KMO: variants seen among roughly 807,000 people sequenced by gnomAD.
KMO encodes kynurenine 3-monooxygenase.
Under a neutral mutation model 57.8 loss-of-function variants are expected in KMO, and 24 were observed. The observed-to-expected ratio is 0.42, with a 90% CI of 0.30 to 0.58. The LOEUF (loss-of-function observed/expected upper bound fraction) is 0.58. KMO is among the 20% of genes least tolerant of loss of function. The pLI, the probability that KMO is intolerant of heterozygous loss-of-function variation, is 0.22. For synonymous variants in KMO, 210 were observed against 193.6 expected, an observed-to-expected ratio of 1.08 and a Z score of -0.70; for missense variants, 483 against 588.2, an observed-to-expected ratio of 0.82 and a Z score of 1.85.
chr1:241,543,944 G>A (rs931872749), intron 1 of KMO, among the ~76,000 whole-genome samples: 1 of 152,138 alleles, frequency 6.6e-6, no homozygotes, highest in African/African-American at 2.4e-5. Context: ...TGAGATCCTG[G>A]AATCAATTTT....
chr1:241,574,680 T>C (rs892017649), intron 10 of KMO, among the ~76,000 whole-genome samples: 1 of 152,086 alleles, frequency 6.6e-6, no homozygotes. Flanking sequence ...AGTATGTTGC[T>C]GAGGATTTTG....
At chr1:241,532,631 T>A (rs970350572) in intron 1 of KMO, 133 bp downstream of exon 1, 51 of 618,908 alleles carry the variant, frequency 8.2e-5, no homozygotes, top group Non-Finnish European at 1.2e-4. Flanking sequence ...ATACAGCTAT[T>A]TTGTTTATTT....
At position 241,594,865 on chromosome 1, in the gene KMO, G is replaced by A. The variant is rs1663451702; in HGVS notation, c.*2712G>A. Reference sequence around the variant, plus strand: ...TACCTAAATCACCCCAGAGCTTTATGTCTTTTATTCATTCTAATTCTTATT... The same window carrying A: ...TACCTAAATCACCCCAGAGCTTTATATCTTTTATTCATTCTAATTCTTATT... On this transcript the variant is annotated 3_prime_UTR_variant, in exon 15 of 15. Transcript: ENST00000366559. 3.1e-6 allele frequency: 2 copies of A among 646,286 alleles called. No homozygotes were observed. Among genetic ancestry groups the A allele is most frequent in the Admixed American group, 3.0e-5 (1 of 33,394 alleles). 40.0% of individuals were successfully genotyped at this position (646,286 alleles called of 1,614,324 possible).
At chr1:241,585,688 T>G (rs1410852869) in intron 10 of KMO, among the ~76,000 whole-genome samples, 1 of 150,036 alleles carries the variant, frequency 6.7e-6, no homozygotes, top group Non-Finnish European at 1.5e-5. Context: ...ACCTAACAGG[T>G]GGAGATTGAA....
At position 241,543,854 on chromosome 1, in the gene KMO, C is replaced by T. The variant is rs955921112; in HGVS notation, c.55-4975C>T. 7.3e-4 allele frequency among the ~76,000 whole-genome samples: 111 copies of T among 152,270 alleles called. 1 individual carries two copies. The highest frequency in any genetic ancestry group is 2.2e-3 in the African/African-American group (90 of 41,552). ...CATGTTCAGTTGGCAAACACGTAAG[C>T]GTTGGAAAGGTATGAATTGGCATCT... On this transcript the variant is annotated intron_variant, in intron 1 of 14. Coordinates refer to ENST00000366559, the MANE Select transcript of KMO (RefSeq NM_003679.5).
At chr1:241,537,256 A>T (rs1029861407) in intron 1 of KMO, among the ~76,000 whole-genome samples, 1 of 152,102 alleles carries the variant, frequency 6.6e-6, no homozygotes, top group African/African-American at 2.4e-5. Context: ...TTTGTTCTCA[A>T]CCTACTCCTT....
intron 10 of KMO, among the ~76,000 whole-genome samples, chr1:241,576,947 T>G (rs1293086201): frequency 6.6e-6 from 1 of 152,158 alleles, no homozygotes; most frequent in Non-Finnish European, 1.5e-5. Context: ...TTATATTTTC[T>G]TTATTTTGTC....
intron 10 of KMO, among the ~76,000 whole-genome samples, chr1:241,585,055 G>A (rs567524492): frequency 2.0e-4 from 31 of 151,726 alleles, no homozygotes; most frequent in Admixed American, 4.6e-4. Flanking sequence ...GTGAAACCCC[G>A]TCTCTACTGA....
chr1:241,594,282 A>G lies in KMO; in HGVS notation c.*2129A>G. 1.2e-6 allele frequency: 1 copy of G among 855,484 alleles called. No homozygotes were observed. Among genetic ancestry groups the G allele is most frequent in the Non-Finnish European group, 1.8e-6 (1 of 559,358 alleles). 53.0% of individuals were successfully genotyped at this position (855,484 alleles called of 1,614,324 possible). On this transcript the variant is annotated 3_prime_UTR_variant, in exon 15 of 15. Coordinates refer to ENST00000366559, the MANE Select transcript of KMO (RefSeq NM_003679.5). ...TTGTTCAACCTCTTCCTGAGGCCCA[A>G]GAGCATATGGGCAATTCGGATTTCC...
intron 1 of KMO, among the ~76,000 whole-genome samples, chr1:241,532,940 A>C (rs1381670837): frequency 6.6e-6 from 1 of 152,022 alleles, no homozygotes; most frequent in Non-Finnish European, 1.5e-5. Context: ...AGAAACATGA[A>C]GCTAACGTCA....
intron 2 of KMO, among the ~76,000 whole-genome samples, chr1:241,549,345 A>G (rs1661307900): frequency 6.6e-6 from 1 of 151,938 alleles, no homozygotes; most frequent in Admixed American, 6.5e-5. Flanking sequence ...GAAAAGAAAG[A>G]AAGAAAGATA....
At position 241,555,159 on chromosome 1, in the gene KMO, G is replaced by A. The variant is rs80031219; in HGVS notation, c.313-453G>A. On this transcript the variant is annotated intron_variant, in intron 4 of 14. Coordinates refer to ENST00000366559, the MANE Select transcript of KMO (RefSeq NM_003679.5). ...CCACAACCAACACACACACACACGC[G>A]TGCACACACACACACTTTTTACATT... is the stretch of plus-strand genomic sequence containing the variant. Among the ~76,000 whole-genome samples, 315 of 151,948 alleles carry A rather than the reference G, an allele frequency of 2.1e-3. 3 individuals carry two copies. The highest frequency in any genetic ancestry group is 7.0e-3 in the African/African-American group (291 of 41,450).
chr1:241,555,887 A>C, intron 5 of KMO: 1 of 370,578 alleles, frequency 2.7e-6, no homozygotes, highest in East Asian at 4.0e-5. Context: ...GGAATTTGAG[A>C]CCCGCCTGGG....
chr1:241,562,205 T>C lies in KMO; in HGVS notation c.488T>C (p.Ile163Thr). 6.2e-7 allele frequency: 1 copy of C among 1,614,134 alleles called. No individual in the cohort carries two copies. Among genetic ancestry groups the C allele is most frequent in the Non-Finnish European group, 8.5e-7 (1 of 1,179,988 alleles). Residue 163 changes from isoleucine to threonine, a missense_variant, in exon 7 of 15, where the codon ATT becomes ACT. Ile to Thr is a moderately conservative substitution (Grantham distance 89). Transcript: ENST00000366559. ...KVPKDVTCDLIVGCDGAYSTV... is the reference protein window; with the variant it reads ...KVPKDVTCDLTVGCDGAYSTV... ...CCCAAAGATGTCACTTGTGACCTCA[T>C]TGTAGGATGTGATGGAGCCTATTCA...
At chr1:241,534,063 A>T (rs191607872) in intron 1 of KMO, among the ~76,000 whole-genome samples, 22 of 152,362 alleles carry the variant, frequency 1.4e-4, no homozygotes, top group Admixed American at 7.2e-4. Flanking sequence ...CAGATCTTGT[A>T]GGATCTTAGA....
intron 11 of KMO, among the ~76,000 whole-genome samples, chr1:241,587,860 A>C (rs929926618): frequency 6.6e-6 from 1 of 151,738 alleles, no homozygotes; most frequent in African/African-American, 2.4e-5. Context: ...TTTGCACATG[A>C]CCATGGAGGT....
At chr1:241,552,200 A>AG (rs1558416509) in intron 4 of KMO, among the ~76,000 whole-genome samples, 17 of 44,736 alleles carry the variant, frequency 3.8e-4, no homozygotes, top group Admixed American at 8.9e-4. Flanking sequence ...GAGAGAGAGA[A>AG]AGAGCGTGCA....
intron 10 of KMO, among the ~76,000 whole-genome samples, chr1:241,571,554 T>C (rs1184320014): frequency 6.6e-6 from 1 of 152,156 alleles, no homozygotes; most frequent in African/African-American, 2.4e-5. Flanking sequence ...ATATGGTTTT[T>C]GTCTTTCATT....
rs946928641 is a variant in KMO at position 241,595,588 on chromosome 1, A to C, written c.*3435A>C. ...TTATTTAGAGCGAAATAAATGTTGA[A>C]TATATGGACTTTCTCAGATTAGGAA... On this transcript the variant is annotated 3_prime_UTR_variant, in exon 15 of 15. Transcript: ENST00000366559. 6.6e-6 allele frequency: 1 copy of C among 152,244 alleles called. No individual in the cohort carries two copies. The highest frequency in any genetic ancestry group is 1.5e-5 in the Non-Finnish European group (1 of 68,046). 9.4% of individuals were successfully genotyped at this position (152,244 alleles called of 1,614,324 possible). A position where few individuals can be genotyped will look rare whatever the true frequency, so the allele number is the denominator to read the frequency against.
Sources: gnomAD v4.1 joint callset for allele counts (sites outside exome capture counted in the v4.1 genomes callset) on GRCh38, gnomAD v4.1.1 for gene constraint, MANE v1.5 for transcripts, NCBI Gene and HGNC (gene_info 2026-07-23, HGNC 2026-07-21) for gene names.